Variants in EFNA5 observed in about 807,000 individuals in gnomAD.
The protein encoded by EFNA5 is ephrin-A5.
Under a neutral mutation model 22.9 loss-of-function variants are expected in EFNA5, and 5 were observed. That is an observed-to-expected ratio of 0.22 (90% CI 0.11 to 0.46). The LOEUF is 0.46. Ranked by LOEUF, EFNA5 falls within the 20% of genes least tolerant of loss-of-function variation. The probability of loss-of-function intolerance (pLI) is 0.99; values close to 1 mark genes in which losing one functional copy is unlikely to be tolerated. For synonymous variants in EFNA5, 113 were observed against 112.2 expected, an observed-to-expected ratio of 1.01 and a Z score of -0.04; for missense variants, 237 against 293.3, an observed-to-expected ratio of 0.81 and a Z score of 1.40.
intron 1 of EFNA5, among the ~76,000 whole-genome samples, chr5:107,602,363 C>A (rs1749618339): frequency 6.6e-6 from 1 of 152,142 alleles, no homozygotes; most frequent in South Asian, 2.1e-4. Flanking sequence ...GTGGATGTAT[C>A]ATCCCAACAA....
At chr5:107,669,581 G>A (rs2112566548) in intron 1 of EFNA5, among the ~76,000 whole-genome samples, 1 of 152,114 alleles carries the variant, frequency 6.6e-6, no homozygotes, top group East Asian at 2.0e-4. Context: ...TCTGCGACTG[G>A]CCGGTGTCCA....
chr5:107,551,136 C>A (rs973973081), intron 1 of EFNA5, among the ~76,000 whole-genome samples: 1 of 152,174 alleles, frequency 6.6e-6, no homozygotes, highest in Non-Finnish European at 1.5e-5. Flanking sequence ...GGCCTTAGTA[C>A]CATCATCATC....
At chr5:107,394,094 T>C (rs894841103) in intron 2 of EFNA5, among the ~76,000 whole-genome samples, 1 of 152,200 alleles carries the variant, frequency 6.6e-6, no homozygotes, top group Non-Finnish European at 1.5e-5. Flanking sequence ...CATTTTCATA[T>C]AAAGAACAAA....
intron 1 of EFNA5, among the ~76,000 whole-genome samples, chr5:107,492,912 T>C (rs1231424221): frequency 1.3e-5 from 2 of 151,234 alleles, no homozygotes; most frequent in African/African-American, 4.9e-5. Flanking sequence ...GGTAGGAGGA[T>C]CGCTTGAACC....
intron 1 of EFNA5, among the ~76,000 whole-genome samples, chr5:107,506,489 C>T (rs934872288): frequency 6.6e-6 from 1 of 152,102 alleles, no homozygotes; most frequent in African/African-American, 2.4e-5. Context: ...GGGCTCAAAC[C>T]TCACTCTGAT....
At chr5:107,495,355 C>G (rs1746948389) in intron 1 of EFNA5, among the ~76,000 whole-genome samples, 1 of 152,026 alleles carries the variant, frequency 6.6e-6, no homozygotes, top group South Asian at 2.1e-4. Flanking sequence ...CCTGAGCTAG[C>G]GAGACCACGA....
chr5:107,476,426 G>A (rs1221100121), intron 1 of EFNA5, among the ~76,000 whole-genome samples: 1 of 152,164 alleles, frequency 6.6e-6, no homozygotes, highest in Non-Finnish European at 1.5e-5. Flanking sequence ...TTACACATCT[G>A]TATTTTCAAA....
chr5:107,536,707 CA>C (rs1747935555), intron 1 of EFNA5, among the ~76,000 whole-genome samples: 1 of 152,086 alleles, frequency 6.6e-6, no homozygotes, highest in African/African-American at 2.4e-5. Flanking sequence ...ACATGGCAAT[CA>C]AAAAATATGT....
chr5:107,592,581 T>C (rs893752778), intron 1 of EFNA5, among the ~76,000 whole-genome samples: 2 of 152,196 alleles, frequency 1.3e-5, no homozygotes, highest in Non-Finnish European at 2.9e-5. Flanking sequence ...CAACAATATG[T>C]TATCTCTTAG....
At chr5:107,648,858 G>A (rs1750677132) in intron 1 of EFNA5, among the ~76,000 whole-genome samples, 1 of 152,062 alleles carries the variant, frequency 6.6e-6, no homozygotes, top group African/African-American at 2.4e-5. Flanking sequence ...AAACTTCTGT[G>A]TCCTCTTCAA....
intron 1 of EFNA5, among the ~76,000 whole-genome samples, chr5:107,515,473 G>A (rs1162607601): frequency 6.6e-6 from 1 of 150,760 alleles, no homozygotes; most frequent in African/African-American, 2.4e-5. Flanking sequence ...CCGCCTGCTG[G>A]GTTCAAACGA....
intron 2 of EFNA5, among the ~76,000 whole-genome samples, chr5:107,397,644 A>G (rs947330385): frequency 5.3e-5 from 8 of 152,176 alleles, no homozygotes; most frequent in Non-Finnish European, 8.8e-5. Flanking sequence ...GTTCTCCCCA[A>G]TGCCTATCAT....
intron 4 of EFNA5, among the ~76,000 whole-genome samples, chr5:107,384,794 G>C (rs1276433810): frequency 1.6e-5 from 1 of 63,906 alleles, no homozygotes; most frequent in Non-Finnish European, 3.3e-5. Context: ...TTTTTTTTTT[G>C]GTAAAGACAA....
At chr5:107,634,102 A>G (rs915288385) in intron 1 of EFNA5, among the ~76,000 whole-genome samples, 6 of 152,226 alleles carry the variant, frequency 3.9e-5, no homozygotes, top group Non-Finnish European at 5.9e-5. Flanking sequence ...GGGAGCTGGC[A>G]GGGGATAACA....
chr5:107,498,180 T>A (rs1229646401), intron 1 of EFNA5, among the ~76,000 whole-genome samples: 1 of 152,220 alleles, frequency 6.6e-6, no homozygotes, highest in Admixed American at 6.5e-5. Flanking sequence ...CCTCCCAAAG[T>A]GCTGGGATTA....
chr5:107,437,574 T>C (rs1222705733), intron 1 of EFNA5, among the ~76,000 whole-genome samples: 4 of 152,242 alleles, frequency 2.6e-5, no homozygotes, highest in Admixed American at 6.5e-5. Context: ...ATACTAGTTT[T>C]ATATAGATTT....
chr5:107,553,454 G>C (rs1419130841), intron 1 of EFNA5, among the ~76,000 whole-genome samples: 2 of 152,176 alleles, frequency 1.3e-5, no homozygotes, highest in African/African-American at 4.8e-5. Context: ...CAAGGCCACA[G>C]TCACGCCAGG....
rs551794766 is a variant in EFNA5 at position 107,655,123 on chromosome 5, A to G, written c.125+15366T>C. Among the ~76,000 whole-genome samples, 4 of 152,278 alleles carry G rather than the reference A, an allele frequency of 2.6e-5. No homozygotes were observed. The East Asian group carries it at 5.8e-4, about 22-fold the overall frequency. ...AGTATTTTAATAACACAAAATATCA[A>G]TAAGTAAGTTATCAAAATTTAAACT... On this transcript the variant is annotated intron_variant, in intron 1 of 4. Transcript: ENST00000333274.
At chr5:107,446,587 T>A (rs1749403748) in intron 1 of EFNA5, among the ~76,000 whole-genome samples, 1 of 151,902 alleles carries the variant, frequency 6.6e-6, no homozygotes, top group Admixed American at 6.6e-5. Flanking sequence ...TCCCTGTCTC[T>A]ACTAAAAATA....
Sources: allele counts gnomAD v4.1 joint callset (sites outside exome capture counted in the v4.1 genomes callset), GRCh38; gene constraint gnomAD v4.1.1; transcripts MANE v1.5; gene names NCBI Gene and HGNC (gene_info 2026-07-23, HGNC 2026-07-21).